RAB26: variants seen among roughly 807,000 people sequenced by gnomAD.
RAB26 encodes ras-related protein Rab-26.
In RAB26, 39 loss-of-function variants were observed where a neutral mutation model predicts 33.1. The observed-to-expected ratio is 1.18, with a 90% CI of 0.91 to 1.54. RAB26 has a LOEUF of 1.54. Among genes scored for constraint, RAB26 ranks in the 40% most tolerant of loss-of-function variants. RAB26 has a pLI of 0.00. For synonymous variants in RAB26, 192 were observed against 151.9 expected, an observed-to-expected ratio of 1.26 and a Z score of -1.94; for missense variants, 468 against 362.9, an observed-to-expected ratio of 1.29 and a Z score of -2.35.
At position 2,148,725 on chromosome 16, in the gene RAB26, G is replaced by C; in HGVS notation, c.-59G>C. ...CCGGGTCGGGCTCGGCGGGCGCGGG[G>C]TGCGGGACGGCCCAGGGCACGGCGG... On this transcript the variant is annotated 5_prime_UTR_variant, in exon 1 of 9. Transcript: ENST00000210187. 4 of 1,218,656 alleles carry C rather than the reference G, an allele frequency of 3.3e-6. No individual in the cohort carries two copies. The highest frequency in any genetic ancestry group is 4.1e-6 in the Non-Finnish European group (4 of 978,550). 75.5% of individuals were successfully genotyped at this position (1,218,656 alleles called of 1,614,324 possible).
At chr16:2,148,335 C>G (rs899921129), upstream of RAB26, 1 of 152,416 alleles carries the variant, frequency 6.6e-6, no homozygotes, top group Non-Finnish European at 1.5e-5. Flanking sequence ...GTCTGGCGGT[C>G]CAGTTTGGGG....
Position 2,153,144 on chromosome 16 carries a change from AG to A in RAB26, c.592del, listed in dbSNP as rs1300433925. 2.5e-5 allele frequency: 40 copies of A among 1,613,640 alleles called. No homozygotes were observed. The highest frequency in any genetic ancestry group is 3.3e-5 in the Admixed American group (2 of 60,010). On this transcript the variant is annotated splice_acceptor_variant, in intron 7 of 8. Coordinates refer to ENST00000210187, the MANE Select transcript of RAB26 (RefSeq NM_014353.5). LOFTEE classifies it high-confidence loss of function. ...CACCTGGCTGGCAGCAGCTGTTTACAGGAGTATGGACTGCCCTTCATGGAGA... is the reference window on the plus strand; with the variant it reads ...CACCTGGCTGGCAGCAGCTGTTTACAGAGTATGGACTGCCCTTCATGGAGA...
chr16:2,152,212 C>T (rs985469599), intron 5 of RAB26, among the ~76,000 whole-genome samples: 2 of 152,224 alleles, frequency 1.3e-5, no homozygotes, highest in Non-Finnish European at 2.9e-5. Flanking sequence ...GAGTTCGAGA[C>T]CAGCCTGGCC....
chr16:2,152,494 ACC>A (rs1488724181), intron 5 of RAB26, among the ~76,000 whole-genome samples: 2 of 152,024 alleles, frequency 1.3e-5, no homozygotes, highest in Admixed American at 1.3e-4. Context: ...ACATGGTGAA[ACC>A]CCGTCTCTAC....
chr16:2,148,949 G>T lies in RAB26; in HGVS notation c.166G>T (p.Gly56Cys), dbSNP rs1311755182. 1.2e-5 allele frequency: 15 copies of T among 1,287,230 alleles called. No homozygotes were observed. The highest frequency in any genetic ancestry group is 3.1e-5 in the African/African-American group (2 of 64,966). The allele number at this position is 1,287,230 out of a possible 1,614,324, so 79.7% of individuals were successfully genotyped here. A position where few individuals can be genotyped will look rare whatever the true frequency, so the allele number is the denominator to read the frequency against. The change falls in exon 1 of 9, where the codon GGT (glycine) becomes TGT (cysteine). Residue 56 changes from glycine (G) to cysteine (C), a missense_variant. Transcript: ENST00000210187. ...GCCCGGCCGGCCCTCGCTTGGCGGC[G>T]GTGTCGACTTCTACGACGTCGCCTT... is the stretch of plus-strand genomic sequence containing the variant. Reference protein sequence around the residue: ...LQPGRPSLGGGVDFYDVAFKV... With the variant: ...LQPGRPSLGGCVDFYDVAFKV...
intron 2 of RAB26, chr16:2,151,149 C>G (rs1383661738): frequency 2.2e-6 from 1 of 458,380 alleles, no homozygotes. Context: ...ACTCTGTCGC[C>G]CTGGCTGGAG....
At chr16:2,149,110 G>A (rs2092995995) in intron 1 of RAB26, 132 bp downstream of exon 1, 2 of 922,614 alleles carry the variant, frequency 2.2e-6, no homozygotes, top group Non-Finnish European at 2.8e-6. Context: ...GAACCCCGTG[G>A]GGCTTGCACG....
At chr16:2,149,823 C>T (rs1285568393) in intron 1 of RAB26, 118 bp from the exon 2 acceptor site, 10 of 717,944 alleles carry the variant, frequency 1.4e-5, no homozygotes, top group Non-Finnish European at 2.2e-5. Context: ...TCCCTGGCCC[C>T]GCTGAGCCTG....
At chr16:2,149,303 CT>C (rs756125935) in intron 1 of RAB26, among the ~76,000 whole-genome samples, 13,741 of 116,030 alleles carry the variant, frequency 0.12, 768 homozygotes, top group African/African-American at 0.24. Context: ...GGCTGTGGGC[CT>C]TTTTTTTTTT....
At chr16:2,153,246 C>T (rs2093012603) in intron 8 of RAB26, 24 bp downstream of exon 8, 1 of 1,613,586 alleles carries the variant, frequency 6.2e-7, no homozygotes, top group Non-Finnish European at 8.5e-7. Flanking sequence ...GTCACCAGGA[C>T]TCCCCCAGCC....
intron 8 of RAB26, 32 bp downstream of exon 8, chr16:2,153,254 G>A (rs1227465028): frequency 6.2e-7 from 1 of 1,613,484 alleles, no homozygotes; most frequent in Non-Finnish European, 8.5e-7. Flanking sequence ...GACTCCCCCA[G>A]CCCAGGGCCT....
At position 2,151,691 on chromosome 16, in the gene RAB26, G is replaced by GC. The variant is rs2093005507; in HGVS notation, c.349-3dup. On this transcript the variant is annotated splice_polypyrimidine_tract_variant and splice_region_variant and intron_variant, in intron 3 of 8. Coordinates refer to ENST00000210187, the MANE Select transcript of RAB26 (RefSeq NM_014353.5). ...GACAGCCTGACCAGTGCCTGTCGCT[G>GC]CAGATGTGGGACACAGCTGGTCAGG... The GC allele has an allele frequency of 1.9e-6, 3 of 1,613,900 alleles. No individual in the cohort carries two copies. The Admixed American group carries it at 5.0e-5, about 27-fold the overall frequency.
At position 2,151,889 on chromosome 16, in the gene RAB26, C is replaced by T. The variant is rs940658375; in HGVS notation, c.449C>T (p.Ala150Val). The stretch of plus-strand genomic sequence containing the variant: ...CTGCTCTACGATGTCACCAACAAGG[C>T]CTCCTTTGACAACATCCAGGTCAGT... The part of the protein sequence containing the change: ...LLLLYDVTNK[A>V]SFDNIQAWLT... The change falls in exon 5 of 9, where the codon GCC becomes GTC. Residue 150 changes from alanine to valine, a missense_variant. Transcript: ENST00000210187. The T allele has an allele frequency of 8.1e-6, 13 of 1,614,044 alleles. No individual in the cohort carries two copies. Among genetic ancestry groups the T allele is most frequent in the African/African-American group, 1.3e-5 (1 of 74,942 alleles).
In RAB26 at chr16:2,151,612, T is replaced by G. The variant is rs750603117; in HGVS notation, c.348+2T>G. ...GATGGTGTGAAGGTGAAGCTGCAGGTAAGGTGACTGGCAGAGGACAAGTTG... is the reference window on the plus strand; with the variant it reads ...GATGGTGTGAAGGTGAAGCTGCAGGGAAGGTGACTGGCAGAGGACAAGTTG... On this transcript the variant is annotated splice_donor_variant, in intron 3 of 8. Coordinates refer to ENST00000210187, the MANE Select transcript of RAB26 (RefSeq NM_014353.5). LOFTEE classifies it high-confidence loss of function. The G allele has an allele frequency of 6.2e-7, 1 of 1,613,912 alleles. No individual in the cohort carries two copies. The highest frequency in any genetic ancestry group is 8.5e-7 in the Non-Finnish European group (1 of 1,180,008).
At chr16:2,150,674 G>A (rs571471390) in intron 2 of RAB26, among the ~76,000 whole-genome samples, 1 of 132,352 alleles carries the variant, frequency 7.6e-6, no homozygotes. Context: ...GACGACTGAA[G>A]TGCCCGAGGG....
Position 2,151,560 on chromosome 16 carries a change from C to G in RAB26, c.307-9C>G, listed in dbSNP as rs1333607212. 1 of 1,613,642 alleles carries G rather than the reference C, an allele frequency of 6.2e-7. No homozygotes were observed. Among genetic ancestry groups the G allele is most frequent in the Non-Finnish European group, 8.5e-7 (1 of 1,180,036 alleles). On this transcript the variant is annotated splice_polypyrimidine_tract_variant and intron_variant, in intron 2 of 8. Transcript: ENST00000210187. The stretch of plus-strand genomic sequence containing the variant: ...CCATGCCAGAGCTGCCTGGTTCTGT[C>G]TGTTTCAGAACAAAGTTCTGGACGT...
At chr16:2,152,657 C>T (rs1417331883) in intron 5 of RAB26, among the ~76,000 whole-genome samples, 163 bp from the exon 6 acceptor site, 3 of 140,550 alleles carry the variant, frequency 2.1e-5, no homozygotes, top group African/African-American at 8.0e-5. Context: ...GGAGCCATTG[C>T]ACTCCAGCCT....
At chr16:2,151,433 G>T in intron 2 of RAB26, 136 bp from the exon 3 acceptor site, 3 of 1,209,498 alleles carry the variant, frequency 2.5e-6, no homozygotes, top group Non-Finnish European at 3.6e-6. Flanking sequence ...AGGTCAAATT[G>T]GCTTAAGGGA....
In RAB26 at chr16:2,153,033, G is replaced by C; in HGVS notation, c.579G>C (p.Glu193Asp). 6.2e-7 allele frequency: 1 copy of C among 1,604,342 alleles called. No homozygotes were observed. The highest frequency in any genetic ancestry group is 8.5e-7 in the Non-Finnish European group (1 of 1,173,152). ...HERVVKREDGEKLAKEYGLPF... is the reference protein window; with the variant it reads ...HERVVKREDGDKLAKEYGLPF... The stretch of plus-strand genomic sequence containing the variant: ...GTGTGGTGAAGAGGGAGGACGGGGA[G>C]AAGCTGGCCAAGGTGAGTCAGGGCA... Residue 193 changes from glutamate (E) to aspartate (D), a missense_variant, in exon 7 of 9, where the codon GAG becomes GAC. Glu to Asp is a conservative substitution (Grantham distance 45). Coordinates refer to ENST00000210187, the MANE Select transcript of RAB26 (RefSeq NM_014353.5).
Sources: allele counts gnomAD v4.1 joint callset (sites outside exome capture counted in the v4.1 genomes callset), GRCh38; gene constraint gnomAD v4.1.1; transcripts MANE v1.5; gene names NCBI Gene and HGNC (gene_info 2026-07-23, HGNC 2026-07-21).